The following RAB11FIP5 variants were observed in gnomAD, a reference collection of about 807,000 sequenced individuals.
RAB11FIP5 encodes RAB11 family interacting protein 5, also known as rab11 family-interacting protein 5.
A neutral mutation model predicts 85.1 loss-of-function variants in RAB11FIP5; 48 were observed. The observed-to-expected ratio is 0.56, with a 90% CI of 0.45 to 0.72. The LOEUF (loss-of-function observed/expected upper bound fraction) is 0.72. Ranked by LOEUF, RAB11FIP5 falls within the 30% of genes least tolerant of loss-of-function variation. The pLI, the probability that RAB11FIP5 is intolerant of heterozygous loss-of-function variation, is 0.00. For synonymous variants in RAB11FIP5, 729 were observed against 727.3 expected (o/e 1.00, Z -0.04); for missense variants, 1,491 against 1,687.0 (o/e 0.88, Z 2.04).
At chr2:73,107,189 C>G (rs1684545107) in intron 1 of RAB11FIP5, among the ~76,000 whole-genome samples, 1 of 152,244 alleles carries the variant, frequency 6.6e-6, no homozygotes, top group Admixed American at 6.5e-5. Flanking sequence ...AAGAACAAAA[C>G]TGCTTCATGG....
chr2:73,111,431 A>T (rs1429262169), intron 1 of RAB11FIP5, among the ~76,000 whole-genome samples: 7 of 152,142 alleles, frequency 4.6e-5, no homozygotes, highest in East Asian at 3.9e-4. Flanking sequence ...CAAGTTAACC[A>T]CTTGAGTGAT....
intron 3 of RAB11FIP5, among the ~76,000 whole-genome samples, chr2:73,083,343 G>A (rs981372558): frequency 2.9e-4 from 44 of 152,276 alleles, no homozygotes; most frequent in African/African-American, 1.1e-3. Flanking sequence ...ACTAAACAGA[G>A]GCACAGGTAG....
rs1157595429 is a variant in RAB11FIP5, at chr2:73,081,232, T to C, written c.2000A>G (p.Glu667Gly). ...CCCCACTCCTGCAGGGGCCAGGATC[T>C]CGCTCCTGGCCTCTGGACGCAGCCT... The part of the protein sequence containing the change: ...ASRLRPEARS[E>G]ILAPAGVGLE... The change falls in exon 4 of 6, where the codon GAG becomes GGG. Residue 667 changes from glutamate to glycine, a missense_variant. By Grantham distance (98) the Glu-to-Gly change is moderately conservative. Coordinates refer to ENST00000486777, the MANE Select transcript of RAB11FIP5 (RefSeq NM_001371272.1). This position sits in a 1 kb window ranked among gnomAD's most constrained non-coding sequence, Gnocchi z 4.2. 2 of 1,232,180 alleles carry C rather than the reference T, an allele frequency of 1.6e-6. No individual in the cohort carries two copies. Among genetic ancestry groups the C allele is most frequent in the African/African-American group, 3.1e-5 (2 of 64,416 alleles). 76.3% of individuals were successfully genotyped at this position (1,232,180 alleles called of 1,614,324 possible). A position where few individuals can be genotyped will look rare whatever the true frequency, so the allele number is the denominator to read the frequency against.
rs1308854694 is a variant in RAB11FIP5 at position 73,081,209 on chromosome 2, CCACTCCTGCAGGGGCCAGGATCT to C, written c.2000_2022del (p.Glu667GlyfsTer21). The C allele has an allele frequency of 1.5e-5, 19 of 1,232,260 alleles. No homozygotes were observed. The highest frequency in any genetic ancestry group is 1.8e-5 in the Non-Finnish European group (18 of 988,228). The allele number at this position is 1,232,260 out of a possible 1,614,324, so 76.3% of individuals were successfully genotyped here. On this transcript the variant is annotated frameshift_variant, in exon 4 of 6. Coordinates refer to ENST00000486777, the MANE Select transcript of RAB11FIP5 (RefSeq NM_001371272.1). LOFTEE classifies it high-confidence loss of function. The surrounding 1 kb of genome is among the most constrained non-coding windows in gnomAD (Gnocchi z 4.2). ...TCTTGCAGCCCTGCCGCCTCCAGCC[CCACTCCTGCAGGGGCCAGGATCT>C]CGCTCCTGGCCTCTGGACGCAGCCT...
chr2:73,104,117 C>T (rs1010868953), intron 1 of RAB11FIP5, among the ~76,000 whole-genome samples: 3 of 152,202 alleles, frequency 2.0e-5, no homozygotes, highest in East Asian at 3.9e-4. Context: ...AAAAACACAA[C>T]GCATTTGCCT....
At chr2:73,103,850 T>C (rs1684476518) in intron 1 of RAB11FIP5, among the ~76,000 whole-genome samples, 1 of 152,114 alleles carries the variant, frequency 6.6e-6, no homozygotes, top group Non-Finnish European at 1.5e-5. Context: ...TCTCAGGGGA[T>C]CTCTGGCAGG....
intron 1 of RAB11FIP5, among the ~76,000 whole-genome samples, chr2:73,101,312 C>G (rs982386546): frequency 8.5e-5 from 13 of 152,066 alleles, no homozygotes; most frequent in African/African-American, 3.1e-4. Flanking sequence ...GCGGGAACTT[C>G]CAAAGGGGAG....
chr2:73,075,489 T>A lies in RAB11FIP5; in HGVS notation c.*32A>T, dbSNP rs774481458. 1 of 1,606,738 alleles carries A rather than the reference T, an allele frequency of 6.2e-7. No individual in the cohort carries two copies. The highest frequency in any genetic ancestry group is 8.5e-7 in the Non-Finnish European group (1 of 1,173,412). On this transcript the variant is annotated 3_prime_UTR_variant, in exon 6 of 6. Transcript: ENST00000486777. The surrounding 1 kb of genome is among the most constrained non-coding windows in gnomAD (Gnocchi z 4.6). ...GAGAGGGCAGGCAGCAATAGGTCCA[T>A]GCCAACCCTCCTGGGGGTAGGGTGA...
At chr2:73,082,450 C>T (rs984305524) in intron 3 of RAB11FIP5, among the ~76,000 whole-genome samples, 5 of 152,254 alleles carry the variant, frequency 3.3e-5, no homozygotes, top group African/African-American at 1.2e-4. Context: ...ACACTTGAAA[C>T]AGCCTGGGTT....
chr2:73,096,395 C>T (rs1046884253), intron 1 of RAB11FIP5, among the ~76,000 whole-genome samples: 4 of 152,190 alleles, frequency 2.6e-5, no homozygotes, highest in African/African-American at 9.7e-5. Context: ...CAGGGAACTC[C>T]AGTCAGAGAC....
At chr2:73,093,175 G>A (rs894959512) in intron 1 of RAB11FIP5, among the ~76,000 whole-genome samples, 6 of 152,162 alleles carry the variant, frequency 3.9e-5, no homozygotes, top group African/African-American at 1.4e-4. Flanking sequence ...AGAGCAAATG[G>A]GCTCTGAGCA....
intron 1 of RAB11FIP5, among the ~76,000 whole-genome samples, chr2:73,104,529 T>C (rs1003478733): frequency 2.0e-5 from 3 of 152,066 alleles, no homozygotes; most frequent in East Asian, 1.9e-4. Context: ...GATCACACCA[T>C]TGCACTCCAG....
rs376975297 is a variant in RAB11FIP5, at chr2:73,108,346, C to T, written c.431+4001G>A. Among the ~76,000 whole-genome samples the T allele has an allele frequency of 3.3e-5, 5 of 152,348 alleles. No individual in the cohort carries two copies. In the East Asian group the frequency reaches 5.8e-4, roughly 18 times the overall value. On this transcript the variant is annotated intron_variant, in intron 1 of 5. Coordinates refer to ENST00000486777, the MANE Select transcript of RAB11FIP5 (RefSeq NM_001371272.1). ...CCCAGGATGACGATCCTGTCTGCCA[C>T]ACTCCAGGCCTTACCGCAGGGACCA...
At chr2:73,085,392 CG>C (rs997741653) in intron 3 of RAB11FIP5, among the ~76,000 whole-genome samples, 14 of 152,108 alleles carry the variant, frequency 9.2e-5, no homozygotes, top group African/African-American at 3.4e-4. Flanking sequence ...GTGTGGGGGG[CG>C]GGGAACAAGG....
Position 73,088,992 on chromosome 2 carries a change from A to C in RAB11FIP5, c.755T>G (p.Leu252Arg). The C allele has an allele frequency of 6.2e-7, 1 of 1,614,230 alleles. No homozygotes were observed. The highest frequency in any genetic ancestry group is 8.5e-7 in the Non-Finnish European group (1 of 1,180,048). ...KSSLTQSNTSLGSDSTLSSAS... is the reference protein window; with the variant it reads ...KSSLTQSNTSRGSDSTLSSAS... The stretch of plus-strand genomic sequence containing the variant: ...TGAGGACAGGGTGCTGTCCGAGCCC[A>C]GCGAGGTGTTGGACTGGGTCAGGGA... Residue 252 changes from leucine (L) to arginine (R), a missense_variant, in exon 2 of 6, where the codon CTG becomes CGG. By Grantham distance (102) the Leu-to-Arg change is moderately radical. Transcript: ENST00000486777.
chr2:73,104,826 C>T (rs1394004718), intron 1 of RAB11FIP5, among the ~76,000 whole-genome samples: 1 of 152,198 alleles, frequency 6.6e-6, no homozygotes, highest in African/African-American at 2.4e-5. Flanking sequence ...CTGACCCCCT[C>T]ATTCTCTCAC....
chr2:73,076,030 G>A lies in RAB11FIP5; in HGVS notation c.3734C>T (p.Pro1245Leu), dbSNP rs897389075. 6 of 1,614,034 alleles carry A rather than the reference G, an allele frequency of 3.7e-6. No individual in the cohort carries two copies. Among genetic ancestry groups the A allele is most frequent in the Non-Finnish European group, 5.1e-6 (6 of 1,179,892 alleles). ...GGTGTCCACCATCTGGCCAGCCTGGGGGGCCTGGGTCACAGGCTGAATGCT... is the reference window on the plus strand; with the variant it reads ...GGTGTCCACCATCTGGCCAGCCTGGAGGGCCTGGGTCACAGGCTGAATGCT... The part of the protein sequence containing the change: ...SGSIQPVTQA[P>L]QAGQMVDTKR... Residue 1245 changes from proline (P) to leucine (L), a missense_variant, in exon 5 of 6, where the codon CCC becomes CTC. Physicochemically the swap from Pro to Leu is moderately conservative, Grantham distance 98 (BLOSUM62 -3). This residue lies in a region of RAB11FIP5 where 232 missense variants were observed against 259.1 expected (regional missense o/e 0.90). Coordinates refer to ENST00000486777, the MANE Select transcript of RAB11FIP5 (RefSeq NM_001371272.1).
At position 73,089,549 on chromosome 2, in the gene RAB11FIP5, C is replaced by A; in HGVS notation, c.432-234G>T. ...CCACATCCTGAGTGGGGAAGCTCCT[C>A]GGGTGCCACCAGGTAGGGCGGCGGT... On this transcript the variant is annotated intron_variant, in intron 1 of 5. Transcript: ENST00000486777. This position sits in a 1 kb window ranked among gnomAD's most constrained non-coding sequence, Gnocchi z 4.6. The A allele has an allele frequency of 1.7e-6, 1 of 600,878 alleles. No individual in the cohort carries two copies. The highest frequency in any genetic ancestry group is 3.0e-6 in the Non-Finnish European group (1 of 332,008). 37.2% of individuals were successfully genotyped at this position (600,878 alleles called of 1,614,324 possible). A position where few individuals can be genotyped will look rare whatever the true frequency, so the allele number is the denominator to read the frequency against.
rs1683981096 is a variant in RAB11FIP5, at chr2:73,081,395, T to C, written c.1837A>G (p.Ile613Val). 6.5e-6 allele frequency: 8 copies of C among 1,232,520 alleles called. No individual in the cohort carries two copies. Among genetic ancestry groups the C allele is most frequent in the Non-Finnish European group, 6.1e-6 (6 of 988,202 alleles). 76.3% of individuals were successfully genotyped at this position (1,232,520 alleles called of 1,614,324 possible). ...GGAGAGTTTAGTGCTATGTCGGCTA[T>C]GAGCTCCTCGAAGAAGGGGTTGCTC... ...LQSNPFFEEL[I>V]ADIALNSPSP... The change falls in exon 4 of 6, where the codon ATA becomes GTA. Residue 613 changes from isoleucine to valine, a missense_variant. Physicochemically the swap from Ile to Val is conservative, Grantham distance 29 (BLOSUM62 3). Around this residue, in one of 3 missense-constraint regions of RAB11FIP5, gnomAD observed 1,211 missense variants for 1,338.0 expected, o/e 0.91. Coordinates refer to ENST00000486777, the MANE Select transcript of RAB11FIP5 (RefSeq NM_001371272.1). The surrounding 1 kb of genome is among the most constrained non-coding windows in gnomAD (Gnocchi z 4.2).
Sources: gnomAD v4.1 joint callset for allele counts (sites outside exome capture counted in the v4.1 genomes callset) on GRCh38, gnomAD v4.1.1 for gene constraint, gnomAD v4.1.1 regional missense constraint, Gnocchi (gnomAD v3.1) non-coding constraint, MANE v1.5 for transcripts, NCBI Gene and HGNC (gene_info 2026-07-23, HGNC 2026-07-21) for gene names.